ILDR2: variants seen among roughly 807,000 people sequenced by gnomAD.
ILDR2 encodes the protein immunoglobulin like domain containing receptor 2.
ILDR2 carries 25 observed loss-of-function variants against 66.8 expected under a neutral mutation model. That is an observed-to-expected ratio of 0.37 (90% CI 0.27 to 0.52). The LOEUF (loss-of-function observed/expected upper bound fraction) is 0.52. Ranked by LOEUF, ILDR2 falls within the 20% of genes least tolerant of loss-of-function variation. The pLI is 0.88. For synonymous variants in ILDR2, 367 were observed against 357.2 expected (o/e 1.03, Z -0.31); for missense variants, 827 against 876.8 (o/e 0.94, Z 0.72).
rs1659570055 is a variant in ILDR2 at position 166,914,515 on chromosome 1, T to A, written c.*4840A>T. ...GACCACAACATCTGCCCTGCCTCTA[T>A]CACAGCAGTTGATGTTGGGATCAAA... On this transcript the variant is annotated 3_prime_UTR_variant, in exon 10 of 10. Transcript: ENST00000271417. 6.6e-6 allele frequency: 1 copy of A among 152,258 alleles called. No homozygotes were observed. Among genetic ancestry groups the A allele is most frequent in the Non-Finnish European group, 1.5e-5 (1 of 68,038 alleles). 9.4% of individuals were successfully genotyped at this position (152,258 alleles called of 1,614,324 possible).
intron 1 of ILDR2, among the ~76,000 whole-genome samples, chr1:166,960,416 A>T (rs757043691): frequency 1.3e-5 from 2 of 152,172 alleles, no homozygotes; most frequent in Non-Finnish European, 2.9e-5. Flanking sequence ...ATGGCTTTGA[A>T]TCTCATCTGA....
At chr1:166,940,226 T>C (rs1661228902) in intron 3 of ILDR2, among the ~76,000 whole-genome samples, 1 of 152,266 alleles carries the variant, frequency 6.6e-6, no homozygotes, top group Admixed American at 6.5e-5. Flanking sequence ...CTGCGTAATA[T>C]GGCAAAGAAA....
rs373692343 is a variant in ILDR2 at position 166,939,507 on chromosome 1, C to T, written c.556+7G>A. 3.5e-5 allele frequency: 56 copies of T among 1,611,796 alleles called. No individual in the cohort carries two copies. The highest frequency in any genetic ancestry group is 4.5e-5 in the East Asian group (2 of 44,880). ...TCAAGCAAATAAAGAGTTAAATGAC[C>T]GAATACCTGGCATAATCTCCACAGC... is the stretch of plus-strand genomic sequence containing the variant. On this transcript the variant is annotated splice_region_variant and intron_variant, in intron 4 of 9. Coordinates refer to ENST00000271417, the MANE Select transcript of ILDR2 (RefSeq NM_199351.3).
intron 2 of ILDR2, among the ~76,000 whole-genome samples, chr1:166,901,149 G>A (rs887770665): frequency 5.3e-5 from 8 of 152,156 alleles, no homozygotes; most frequent in African/African-American, 1.9e-4. Flanking sequence ...GCTACAAGGG[G>A]CTCACACTCT....
In ILDR2 at chr1:166,917,133, G is replaced by C. The variant is rs1659674188; in HGVS notation, c.*2222C>G. On this transcript the variant is annotated 3_prime_UTR_variant, in exon 10 of 10. Coordinates refer to ENST00000271417, the MANE Select transcript of ILDR2 (RefSeq NM_199351.3). ...AGGCTTTCAGAGGCCAGGGACACCA[G>C]CAAGTCTAAAACTCAGCACCAGGGT... The C allele has an allele frequency of 6.6e-6, 1 of 152,246 alleles. No homozygotes were observed. The allele number at this position is 152,246 out of a possible 1,614,324, so 9.4% of individuals were successfully genotyped here. A position where few individuals can be genotyped will look rare whatever the true frequency, so the allele number is the denominator to read the frequency against.
intron 3 of ILDR2, among the ~76,000 whole-genome samples, chr1:166,947,947 TAACAC>T (rs1446811653): frequency 6.6e-6 from 1 of 152,120 alleles, no homozygotes; most frequent in Non-Finnish European, 1.5e-5. Context: ...TTTGTTCTCT[TAACAC>T]AGGGCAGTGA....
In ILDR2 at chr1:166,957,877, A is replaced by G; in HGVS notation, c.271T>C (p.Leu91=). ...GTCCTCCTGCTGTCCAAACAATCCA[A>G]GTAGGGGTCCCATTCCAGGTTTCTC... ...SKRNLEWDPY[L]DCLDSRRTVR... is the part of the protein sequence containing the mutation. Residue 91 remains leucine (L), a synonymous_variant, in exon 2 of 10, where the codon TTG becomes CTG. Coordinates refer to ENST00000271417, the MANE Select transcript of ILDR2 (RefSeq NM_199351.3). 1.2e-6 allele frequency: 2 copies of G among 1,614,118 alleles called. No individual in the cohort carries two copies. Among genetic ancestry groups the G allele is most frequent in the South Asian group, 2.2e-5 (2 of 91,082 alleles).
At position 166,922,643 on chromosome 1, in the gene ILDR2, C is replaced by A. The variant is rs757541566; in HGVS notation, c.1161G>T (p.Gly387=). ...CTTTGTTATACTCCATGGCTGAGGG[C>A]CCGCGGCTTGCCCCACTGCTGCCTC... is the stretch of plus-strand genomic sequence containing the variant. ...VMGGSSGASR[G]PSAMEYNKED... Residue 387 remains glycine (G), a synonymous_variant, in exon 8 of 10, where the codon GGG becomes GGT. Coordinates refer to ENST00000271417, the MANE Select transcript of ILDR2 (RefSeq NM_199351.3). 5 of 1,614,172 alleles carry A rather than the reference C, an allele frequency of 3.1e-6. No individual in the cohort carries two copies. The highest frequency in any genetic ancestry group is 3.3e-5 in the Admixed American group (2 of 60,030).
intron 1 of ILDR2, among the ~76,000 whole-genome samples, chr1:166,970,477 A>G (rs1183135668): frequency 2.6e-5 from 4 of 152,198 alleles, no homozygotes; most frequent in African/African-American, 9.6e-5. Context: ...CTTAGAGCTG[A>G]AGTTAACTTT....
chr1:166,961,631 G>A (rs1408216517), intron 1 of ILDR2, among the ~76,000 whole-genome samples: 1 of 152,154 alleles, frequency 6.6e-6, no homozygotes, highest in Non-Finnish European at 1.5e-5. Context: ...GGAGTTGTTT[G>A]AGGGTTAAGT....
rs1491310704 is a variant in ILDR2, at chr1:166,909,770, A to AATATATATAAATAT, written c.*9584_*9585insATATTTATATATAT. On this transcript the variant is annotated 3_prime_UTR_variant, in exon 10 of 10. Transcript: ENST00000271417. ...ATATATATATATATAAATATATATA[A>AATATATATAAATAT]ATATATATATTTATATATATATATA... is the stretch of plus-strand genomic sequence containing the variant. 25 of 66,198 alleles carry AATATATATAAATAT rather than the reference A, an allele frequency of 3.8e-4. No individual in the cohort carries two copies. The highest frequency in any genetic ancestry group is 6.8e-4 in the East Asian group (1 of 1,474). 4.1% of individuals were successfully genotyped at this position (66,198 alleles called of 1,614,324 possible).
At chr1:166,941,248 C>T (rs1266252937) in intron 3 of ILDR2, among the ~76,000 whole-genome samples, 1 of 152,178 alleles carries the variant, frequency 6.6e-6, no homozygotes, top group African/African-American at 2.4e-5. Flanking sequence ...CCATCTCATG[C>T]AGCTGACATG....
At chr1:166,943,728 T>G (rs1474645466) in intron 3 of ILDR2, 1 of 667,648 alleles carries the variant, frequency 1.5e-6, no homozygotes, top group Non-Finnish European at 1.9e-6. Flanking sequence ...TTACAGAGTC[T>G]AAACAATTGC....
Position 166,922,776 on chromosome 1 carries a change from T to G in ILDR2, c.1028A>C (p.His343Pro), listed in dbSNP as rs193197194. The G allele has an allele frequency of 6.2e-7, 1 of 1,614,048 alleles. No homozygotes were observed. The highest frequency in any genetic ancestry group is 2.2e-5 in the East Asian group (1 of 44,900). ...CTGGCGGAAATTGCTGTCCTCCTCA[T>G]GTAGGGAGCTGAGTTCTGAGATGGT... The part of the protein sequence containing the change: ...NNTISELSSL[H>P]EEDSNFRQSF... The change falls in exon 8 of 10, where the codon CAT (histidine) becomes CCT (proline). Residue 343 changes from histidine to proline, a missense_variant. This residue lies in a region of ILDR2 where 437 missense variants were observed against 523.2 expected (regional missense o/e 0.84). Coordinates refer to ENST00000271417, the MANE Select transcript of ILDR2 (RefSeq NM_199351.3).
chr1:166,929,546 G>T (rs1010484691), intron 6 of ILDR2, among the ~76,000 whole-genome samples: 1 of 152,146 alleles, frequency 6.6e-6, no homozygotes, highest in Non-Finnish European at 1.5e-5. Flanking sequence ...TTGCATTGCT[G>T]TCAGCCTGGG....
chr1:166,924,615 C>T (rs1660165568), intron 7 of ILDR2, among the ~76,000 whole-genome samples: 2 of 152,186 alleles, frequency 1.3e-5, no homozygotes, highest in Admixed American at 1.3e-4. Context: ...TTTTCCAAGC[C>T]ATACTGGCAC....
intron 3 of ILDR2, among the ~76,000 whole-genome samples, chr1:166,948,104 A>G (rs995217679): frequency 6.6e-6 from 1 of 152,134 alleles, no homozygotes; most frequent in Non-Finnish European, 1.5e-5. Flanking sequence ...GTACGTGCAC[A>G]TACATAGGTC....
At chr1:166,968,331 A>G (rs753075378) in intron 1 of ILDR2, among the ~76,000 whole-genome samples, 23 of 152,018 alleles carry the variant, frequency 1.5e-4, no homozygotes, top group Non-Finnish European at 2.9e-4. Context: ...ACTCCTACTT[A>G]TCCTTCAGGA....
At chr1:166,972,213 C>CA (rs753035219) in intron 1 of ILDR2, among the ~76,000 whole-genome samples, 1,921 of 131,230 alleles carry the variant, frequency 0.015, 21 homozygotes, top group Non-Finnish European at 0.016. Context: ...CTCTGTCTCT[C>CA]AAAAAAAAAA....
Sources: gnomAD v4.1 joint callset for allele counts (sites outside exome capture counted in the v4.1 genomes callset) on GRCh38, gnomAD v4.1.1 for gene constraint, gnomAD v4.1.1 regional missense constraint, MANE v1.5 for transcripts, NCBI Gene and HGNC (gene_info 2026-07-23, HGNC 2026-07-21) for gene names.